Variants in ADAMTS2 observed in about 807,000 individuals in gnomAD.
The protein encoded by ADAMTS2 is ADAM metallopeptidase with thrombospondin type 1 motif 2.
ADAMTS2 carries 50 observed loss-of-function variants against 123.0 expected under a neutral mutation model. That is an observed-to-expected ratio of 0.41 (90% CI 0.32 to 0.51). ADAMTS2 has a LOEUF of 0.51. ADAMTS2 is among the 20% of genes least tolerant of loss of function. The probability of loss-of-function intolerance (pLI) is 0.35; values close to 1 mark genes in which losing one functional copy is unlikely to be tolerated. For synonymous variants in ADAMTS2, 678 were observed against 695.4 expected (o/e 0.98, Z 0.39); for missense variants, 1,494 against 1,705.2 (o/e 0.88, Z 2.18).
Position 179,113,900 on chromosome 5 carries a change from CTCA to C in ADAMTS2, c.3600_3602del (p.Asp1200del). 1 of 1,614,204 alleles carries C rather than the reference CTCA, an allele frequency of 6.2e-7. No homozygotes were observed. Among genetic ancestry groups the C allele is most frequent in the Non-Finnish European group, 8.5e-7 (1 of 1,180,040 alleles). On this transcript the variant is annotated inframe_deletion, in exon 22 of 22. Transcript: ENST00000251582. Reference sequence around the variant, plus strand: ...TTCCGAGCATCTCTTTCTTCCGCATCTCATCAATGAGCTCTTGGATTCTTTGGT... The same window carrying C: ...TTCCGAGCATCTCTTTCTTCCGCATCTCAATGAGCTCTTGGATTCTTTGGT...
Position 179,166,130 on chromosome 5 carries a change from C to T in ADAMTS2, c.976-7251G>A, listed in dbSNP as rs568102248. On this transcript the variant is annotated intron_variant, in intron 5 of 21. Transcript: ENST00000251582. ...AGAGTGCAGGGTCCTCCTTGGCCAT[C>T]ATGAGTGCCCACCTATGTCCACATG... is the stretch of plus-strand genomic sequence containing the variant. Among the ~76,000 whole-genome samples the T allele has an allele frequency of 6.6e-5, 10 of 152,324 alleles. No individual in the cohort carries two copies. In the South Asian group the frequency reaches 1.9e-3, roughly 28 times the overall value.
At chr5:179,208,154 A>T (rs12659507) in intron 3 of ADAMTS2, among the ~76,000 whole-genome samples, 1 of 118,740 alleles carries the variant, frequency 8.4e-6, no homozygotes. Flanking sequence ...CCCCTTGCCC[A>T]CACTGCCCGA....
At chr5:179,114,391 T>G in intron 21 of ADAMTS2, 67 bp from the exon 22 acceptor site, 1 of 1,502,878 alleles carries the variant, frequency 6.7e-7, no homozygotes, top group Non-Finnish European at 9.1e-7. Flanking sequence ...CCCCACAGGG[T>G]GCAGCTTGCT....
chr5:179,296,287 G>A (rs548121260), intron 2 of ADAMTS2, among the ~76,000 whole-genome samples: 125 of 152,248 alleles, frequency 8.2e-4, no homozygotes, highest in Non-Finnish European at 1.4e-3. Flanking sequence ...GGGAGCAGCC[G>A]GAGCTCAAGG....
chr5:179,281,299 A>G (rs1186082758), intron 2 of ADAMTS2, among the ~76,000 whole-genome samples: 1 of 152,152 alleles, frequency 6.6e-6, no homozygotes, highest in Non-Finnish European at 1.5e-5. Context: ...TCACCCCAAA[A>G]AGAAACCCCG....
chr5:179,184,223 A>C (rs1764113283), intron 4 of ADAMTS2, among the ~76,000 whole-genome samples: 1 of 152,140 alleles, frequency 6.6e-6, no homozygotes, highest in African/African-American at 2.4e-5. Context: ...GGAACGAAAG[A>C]AAGCCCTGGC....
intron 4 of ADAMTS2, among the ~76,000 whole-genome samples, chr5:179,200,244 C>CTTTTTTT (rs1051856642): frequency 4.8e-5 from 5 of 103,688 alleles, no homozygotes; most frequent in African/African-American, 7.9e-5. Flanking sequence ...CCTTTCTTTC[C>CTTTTTTT]TTTTTTTTTT....
intron 4 of ADAMTS2, among the ~76,000 whole-genome samples, chr5:179,182,975 A>G (rs1355266298): frequency 6.6e-6 from 1 of 152,212 alleles, no homozygotes. Flanking sequence ...TTTCCTCTGT[A>G]AAATGAGGAT....
At chr5:179,286,383 G>A (rs1337323608) in intron 2 of ADAMTS2, among the ~76,000 whole-genome samples, 1 of 152,040 alleles carries the variant, frequency 6.6e-6, no homozygotes, top group East Asian at 1.9e-4. Context: ...AACCAGCCCA[G>A]GAGACCAGCA....
In ADAMTS2 at chr5:179,223,027, C is replaced by T. The variant is rs898353142; in HGVS notation, c.689-15312G>A. Among the ~76,000 whole-genome samples the T allele has an allele frequency of 2.0e-5, 3 of 152,384 alleles. No homozygotes were observed. In the South Asian group the frequency reaches 6.2e-4, roughly 32 times the overall value. On this transcript the variant is annotated intron_variant, in intron 3 of 21. Coordinates refer to ENST00000251582, the MANE Select transcript of ADAMTS2 (RefSeq NM_014244.5). ...TACCTGCCTGCCCTGGGCCCATGCC[C>T]TCCACCAGGACAAGTCACTGTCTCC...
Position 179,185,768 on chromosome 5 carries a change from CT to C in ADAMTS2, c.892-4614del, listed in dbSNP as rs1397603943. Among the ~76,000 whole-genome samples the C allele has an allele frequency of 2.0e-5, 3 of 152,038 alleles. No individual in the cohort carries two copies. Among genetic ancestry groups the C allele is most frequent in the Admixed American group, 2.0e-4 (3 of 15,278 alleles). ...CCTGGCTGGGGAGCTCCACTGTGGG[CT>C]GTCCGCCAGCAGCCAGCTCCCACCT... is the stretch of plus-strand genomic sequence containing the variant. On this transcript the variant is annotated intron_variant, in intron 4 of 21. Transcript: ENST00000251582. This position sits in a 1 kb window ranked among gnomAD's most constrained non-coding sequence, Gnocchi z 5.9.
At chr5:179,295,725 C>T (rs777506092) in intron 2 of ADAMTS2, among the ~76,000 whole-genome samples, 57 of 152,354 alleles carry the variant, frequency 3.7e-4, no homozygotes, top group Non-Finnish European at 7.6e-4. Flanking sequence ...AGAGGAGCCC[C>T]GTCCATGGCG....
In ADAMTS2 at chr5:179,189,512, T is replaced by TG. The variant is rs1465840636; in HGVS notation, c.892-8358_892-8357insC. Among the ~76,000 whole-genome samples the TG allele has an allele frequency of 8.0e-6, 1 of 125,112 alleles. No homozygotes were observed. The highest frequency in any genetic ancestry group is 1.6e-5 in the Non-Finnish European group (1 of 61,488). 82.1% of individuals were successfully genotyped at this position (125,112 alleles called of 152,430 possible). The stretch of plus-strand genomic sequence containing the variant: ...ACAGGCGCCCGCCAGTGCGCCTGGT[T>TG]TTTTTTTTTTTTTTTTTTTTTTTTT... On this transcript the variant is annotated intron_variant, in intron 4 of 21. Transcript: ENST00000251582. This position sits in a 1 kb window ranked among gnomAD's most constrained non-coding sequence, Gnocchi z 4.2.
At chr5:179,326,439 C>G (rs1364305249) in intron 2 of ADAMTS2, among the ~76,000 whole-genome samples, 1 of 152,002 alleles carries the variant, frequency 6.6e-6, no homozygotes, top group Admixed American at 6.5e-5. Flanking sequence ...GCCGGTGATG[C>G]CTGGGGCAGG....
chr5:179,118,675 C>CA lies in ADAMTS2; in HGVS notation c.3178+2985dup, dbSNP rs902836786. ...CAAAGGTAACCCTAAAATAGGAATA[C>CA]AAAAAAAAAGTTTAAAGTCCTTTTA... On this transcript the variant is annotated intron_variant, in intron 21 of 21. Coordinates refer to ENST00000251582, the MANE Select transcript of ADAMTS2 (RefSeq NM_014244.5). This position sits in a 1 kb window ranked among gnomAD's most constrained non-coding sequence, Gnocchi z 4.5. Among the ~76,000 whole-genome samples the CA allele has an allele frequency of 7.9e-5, 12 of 151,120 alleles. No homozygotes were observed. The highest frequency in any genetic ancestry group is 2.7e-4 in the African/African-American group (11 of 41,150).
chr5:179,164,843 C>G (rs1021651760), intron 5 of ADAMTS2, among the ~76,000 whole-genome samples: 1 of 152,332 alleles, frequency 6.6e-6, no homozygotes, highest in African/African-American at 2.4e-5. Context: ...GCTCATGCAC[C>G]CCAGAGCCCC....
At chr5:179,177,500 T>C (rs1467941300) in intron 5 of ADAMTS2, among the ~76,000 whole-genome samples, 2 of 152,208 alleles carry the variant, frequency 1.3e-5, no homozygotes, top group Admixed American at 6.5e-5. Flanking sequence ...TGCTTGCAAA[T>C]GAGTATGAAT....
chr5:179,275,642 G>A (rs961650561), intron 2 of ADAMTS2, among the ~76,000 whole-genome samples: 3 of 152,210 alleles, frequency 2.0e-5, no homozygotes, highest in African/African-American at 4.8e-5. Flanking sequence ...AGATTGGAGC[G>A]ATGTGGCCTC....
chr5:179,283,549 C>CAAAAAAAAAAA (rs3986816), intron 2 of ADAMTS2, among the ~76,000 whole-genome samples: 10 of 51,332 alleles, frequency 1.9e-4, no homozygotes, highest in East Asian at 5.3e-4. Flanking sequence ...AGAAAAACAG[C>CAAAAAAAAAAA]AAAAAAAAAA....
Sources: allele counts gnomAD v4.1 joint callset (sites outside exome capture counted in the v4.1 genomes callset), GRCh38; gene constraint gnomAD v4.1.1; non-coding constraint Gnocchi (gnomAD v3.1); transcripts MANE v1.5; gene names NCBI Gene and HGNC (gene_info 2026-07-23, HGNC 2026-07-21).